The following DAB2IP variants were observed in gnomAD, a reference collection of about 807,000 sequenced individuals.
The protein encoded by DAB2IP is disabled homolog 2-interacting protein.
Under a neutral mutation model 107.2 loss-of-function variants are expected in DAB2IP, and 28 were observed. That is an observed-to-expected ratio of 0.26 (90% confidence interval 0.19 to 0.36). The LOEUF is 0.36. DAB2IP is among the 10% of genes least tolerant of loss of function. DAB2IP has a pLI of 1.00. For missense variants in DAB2IP, 1,400 were observed against 1,644.7 expected (o/e 0.85, Z 2.57); for synonymous variants, 755 against 706.4 (o/e 1.07, Z -1.09).
At chr9:121,668,480 C>T (rs1025790686) in intron 1 of DAB2IP, among the ~76,000 whole-genome samples, 4 of 152,196 alleles carry the variant, frequency 2.6e-5, no homozygotes, top group Non-Finnish European at 5.9e-5. Context: ...CTCAAGCAGC[C>T]TTCCTGCCTC....
chr9:121,783,891 G>C (rs1835832070), exon 16 of DAB2IP: 1 of 350,546 alleles, frequency 2.9e-6, no homozygotes, highest in Non-Finnish European at 5.3e-6. Context: ...AGCCCCTGCA[G>C]ATTCTGAGCA....
Position 121,772,566 on chromosome 9 carries a change from CT to C in DAB2IP, c.2079-37del, listed in dbSNP as rs770994092. The C allele has an allele frequency of 9.5e-6, 15 of 1,574,994 alleles. No homozygotes were observed. In the African/African-American group the frequency reaches 1.6e-4, roughly 17 times the overall value. Reference sequence around the variant, plus strand: ...CGCCTTGGCTGCACTCACAGTTCTTCTTTTCCCCTTCTTTCCCTGTGTGTGC... The same window carrying C: ...CGCCTTGGCTGCACTCACAGTTCTTCTTTCCCCTTCTTTCCCTGTGTGTGC... On this transcript the variant is annotated intron_variant, in intron 11 of 15. Transcript: ENST00000408936. The surrounding 1 kb of genome is among the most constrained non-coding windows in gnomAD (Gnocchi z 4.7).
upstream of DAB2IP, among the ~76,000 whole-genome samples, chr9:121,646,842 T>C (rs988029107): frequency 5.9e-5 from 9 of 152,178 alleles, no homozygotes; most frequent in African/African-American, 2.2e-4. Flanking sequence ...TCGTTGCTCC[T>C]TTCAGCCCCC....
intron 1 of DAB2IP, among the ~76,000 whole-genome samples, chr9:121,588,005 G>A (rs1283834208): frequency 6.6e-6 from 1 of 152,178 alleles, no homozygotes; most frequent in African/African-American, 2.4e-5. Flanking sequence ...TGCCCATGAT[G>A]ACTTTCCCTT....
chr9:121,758,441 C>T (rs76048117), intron 4 of DAB2IP, among the ~76,000 whole-genome samples: 7,708 of 152,252 alleles, frequency 0.051, 418 homozygotes, highest in African/African-American at 0.13. Flanking sequence ...TCAGAGTTGT[C>T]AGCTGAGGAC....
chr9:121,649,779 C>G (rs949101245), upstream of DAB2IP, among the ~76,000 whole-genome samples: 11 of 152,176 alleles, frequency 7.2e-5, no homozygotes, highest in African/African-American at 2.4e-4. Flanking sequence ...GCTAACAAGG[C>G]CCCCAGCTTG....
At chr9:121,780,024 T>C (rs1220310825) in intron 14 of DAB2IP, among the ~76,000 whole-genome samples, 1 of 152,164 alleles carries the variant, frequency 6.6e-6, no homozygotes, top group African/African-American at 2.4e-5. Flanking sequence ...ATTGCCTGTA[T>C]TGTGTCCATT....
intron 1 of DAB2IP, among the ~76,000 whole-genome samples, chr9:121,665,577 CAG>C (rs1165949140): frequency 6.6e-6 from 1 of 152,114 alleles, no homozygotes; most frequent in Non-Finnish European, 1.5e-5. Flanking sequence ...GTAAAATACA[CAG>C]AGTGTGGAGT....
At chr9:121,630,532 A>ATT (rs1158012972) in intron 1 of DAB2IP, among the ~76,000 whole-genome samples, 1,232 of 110,202 alleles carry the variant, frequency 0.011, 18 homozygotes, top group African/African-American at 0.061. Context: ...CTCATAAAAA[A>ATT]ATTTTTTTTT....
At chr9:121,612,429 C>A (rs1189802851) in intron 1 of DAB2IP, among the ~76,000 whole-genome samples, 1 of 152,090 alleles carries the variant, frequency 6.6e-6, no homozygotes, top group Non-Finnish European at 1.5e-5. Context: ...TTTAAGGGAG[C>A]TGCTTTGATG....
intron 3 of DAB2IP, among the ~76,000 whole-genome samples, chr9:121,700,073 G>A (rs1254730461): frequency 6.6e-6 from 1 of 152,206 alleles, no homozygotes; most frequent in Admixed American, 6.5e-5. Context: ...AGGCTGGGGA[G>A]CCAGGGCCAT....
intron 3 of DAB2IP, chr9:121,737,419 C>G (rs1832006453): frequency 1.0e-6 from 1 of 985,322 alleles, no homozygotes; most frequent in Non-Finnish European, 1.2e-6. Context: ...GACACAGATT[C>G]AGCACGTGCC....
At chr9:121,719,269 C>T (rs1192400530) in intron 3 of DAB2IP, among the ~76,000 whole-genome samples, 2 of 152,142 alleles carry the variant, frequency 1.3e-5, no homozygotes, top group Admixed American at 6.5e-5. Flanking sequence ...AGTTGGAGAC[C>T]CTGGCCTGCT....
intron 2 of DAB2IP, among the ~76,000 whole-genome samples, chr9:121,680,743 CTTT>C (rs78934765): frequency 7.0e-6 from 1 of 143,840 alleles, no homozygotes. Context: ...TTTTTTTTTT[CTTT>C]TTTTTTTTTT....
intron 1 of DAB2IP, among the ~76,000 whole-genome samples, chr9:121,568,059 T>A (rs656328): frequency 0.3 from 45,659 of 151,984 alleles, 7,498 homozygotes; most frequent in African/African-American, 0.39. Flanking sequence ...CCTGTTGGCC[T>A]CGGAAGAGGT....
At chr9:121,754,386 A>T (rs976796541) in intron 3 of DAB2IP, among the ~76,000 whole-genome samples, 1 of 152,186 alleles carries the variant, frequency 6.6e-6, no homozygotes, top group Admixed American at 6.5e-5. Context: ...TGTACTATCC[A>T]GGAAGGAGTA....
chr9:121,730,583 G>A (rs1383536230), intron 3 of DAB2IP, among the ~76,000 whole-genome samples: 1 of 152,202 alleles, frequency 6.6e-6, no homozygotes, highest in East Asian at 1.9e-4. Flanking sequence ...GCACCTCCAG[G>A]GACCTAGGCT....
intron 1 of DAB2IP, among the ~76,000 whole-genome samples, chr9:121,652,512 G>A (rs928875981): frequency 3.9e-5 from 6 of 152,166 alleles, no homozygotes; most frequent in African/African-American, 1.4e-4. Flanking sequence ...CGGGGGCTGC[G>A]TTTGGGCGGG....
intron 1 of DAB2IP, among the ~76,000 whole-genome samples, chr9:121,663,793 C>CT (rs1833303421): frequency 6.6e-6 from 1 of 152,234 alleles, no homozygotes; most frequent in African/African-American, 2.4e-5. Flanking sequence ...AGGCCAAGGG[C>CT]CAGGCGCGAA....
Sources: allele counts gnomAD v4.1 joint callset (sites outside exome capture counted in the v4.1 genomes callset), GRCh38; gene constraint gnomAD v4.1.1; non-coding constraint Gnocchi (gnomAD v3.1); transcripts MANE v1.5; gene names NCBI Gene and HGNC (gene_info 2026-07-23, HGNC 2026-07-21).